The following ATRNL1 variants were observed in gnomAD, a reference collection of about 807,000 sequenced individuals.
ATRNL1 encodes attractin-like protein 1.
ATRNL1 carries 95 observed loss-of-function variants against 182.7 expected under a neutral mutation model. That is an observed-to-expected ratio of 0.52 (90% CI 0.44 to 0.62). The LOEUF (loss-of-function observed/expected upper bound fraction) is 0.62. Among genes scored for constraint, ATRNL1 ranks in the 20% least tolerant of loss-of-function variants. ATRNL1 has a pLI of 0.00. For missense variants in ATRNL1, 1,471 were observed against 1,679.5 expected (o/e 0.88, Z 2.17); for synonymous variants, 576 against 568.3 (o/e 1.01, Z -0.19).
Position 115,341,423 on chromosome 10 carries a change from T to G in ATRNL1, c.3175+7004T>G, listed in dbSNP as rs192136134. Reference sequence around the variant, plus strand: ...ATGTTTTACAACTTGCTTTGTGACCTAACATATGGTCTATACTTGAGAGTG... The same window carrying G: ...ATGTTTTACAACTTGCTTTGTGACCGAACATATGGTCTATACTTGAGAGTG... On this transcript the variant is annotated intron_variant, in intron 19 of 28. Coordinates refer to ENST00000355044, the MANE Select transcript of ATRNL1 (RefSeq NM_207303.4). Among the ~76,000 whole-genome samples, 166 of 152,330 alleles carry G rather than the reference T, an allele frequency of 1.1e-3. 1 individual carries two copies. The highest frequency in any genetic ancestry group is 2.1e-3 in the Admixed American group (32 of 15,296).
chr10:115,099,859 C>T (rs782090961), intron 1 of ATRNL1, among the ~76,000 whole-genome samples: 1 of 152,152 alleles, frequency 6.6e-6, no homozygotes, highest in Non-Finnish European at 1.5e-5. Context: ...ATATTTTCTA[C>T]CAGTCTGCGG....
chr10:115,848,046 A>G, intron 28 of ATRNL1, 55 bp downstream of exon 28: 1 of 946,802 alleles, frequency 1.1e-6, no homozygotes, highest in East Asian at 2.4e-5. Context: ...ACTGAACAGA[A>G]GAAATAAACA....
rs536848595 is a variant in ATRNL1 at position 115,156,041 on chromosome 10, T to C, written c.830-3999T>C. On this transcript the variant is annotated intron_variant, in intron 5 of 28. Transcript: ENST00000355044. ...ACTAGAGTAAGATCTTGATGTGCCG[T>C]GTTGTGCCAGGCATTACCCCTCTAG... Among the ~76,000 whole-genome samples, 5 of 152,098 alleles carry C rather than the reference T, an allele frequency of 3.3e-5. No homozygotes were observed. In the South Asian group the frequency reaches 1.0e-3, roughly 32 times the overall value.
At chr10:115,818,990 A>G (rs961750759) in intron 27 of ATRNL1, among the ~76,000 whole-genome samples, 3 of 152,060 alleles carry the variant, frequency 2.0e-5, no homozygotes, top group Admixed American at 1.3e-4. Context: ...ATTGTGTTCA[A>G]TCCAGATTTT....
At chr10:115,839,332 G>T (rs1362078583) in intron 27 of ATRNL1, among the ~76,000 whole-genome samples, 1 of 152,044 alleles carries the variant, frequency 6.6e-6, no homozygotes, top group Non-Finnish European at 1.5e-5. Context: ...GTTTCCATCC[G>T]AGCATCTCAG....
At chr10:115,563,836 G>A (rs1555000594) in intron 26 of ATRNL1, among the ~76,000 whole-genome samples, 1 of 152,066 alleles carries the variant, frequency 6.6e-6, no homozygotes, top group Non-Finnish European at 1.5e-5. Flanking sequence ...CAGATATTGT[G>A]CATACTCCAT....
At chr10:115,357,292 A>G (rs945645803) in intron 19 of ATRNL1, among the ~76,000 whole-genome samples, 4 of 151,952 alleles carry the variant, frequency 2.6e-5, no homozygotes, top group African/African-American at 9.7e-5. Context: ...AGTTCAGAAG[A>G]TTATAGGTTA....
At chr10:115,372,839 T>C (rs1261649288) in intron 19 of ATRNL1, among the ~76,000 whole-genome samples, 1 of 152,190 alleles carries the variant, frequency 6.6e-6, no homozygotes, top group Non-Finnish European at 1.5e-5. Context: ...TGCTCATTAT[T>C]GCTATGGCTA....
At chr10:115,628,513 C>A (rs1430784383) in intron 26 of ATRNL1, among the ~76,000 whole-genome samples, 1 of 150,108 alleles carries the variant, frequency 6.7e-6, no homozygotes, top group Non-Finnish European at 1.5e-5. Context: ...GTATTTTCTC[C>A]CGTTCTATAG....
intron 22 of ATRNL1, among the ~76,000 whole-genome samples, chr10:115,466,004 G>T (rs1848035422): frequency 6.6e-6 from 1 of 151,446 alleles, no homozygotes; most frequent in Non-Finnish European, 1.5e-5. Context: ...GGAGGTATAA[G>T]ATTGGGGCTT....
At chr10:115,902,620 G>A (rs1344577895) in intron 28 of ATRNL1, among the ~76,000 whole-genome samples, 1 of 152,140 alleles carries the variant, frequency 6.6e-6, no homozygotes, top group African/African-American at 2.4e-5. Flanking sequence ...GATGAGAGAA[G>A]CTACACAAAA....
At chr10:115,630,869 CACACAT>C (rs782520360) in intron 26 of ATRNL1, among the ~76,000 whole-genome samples, 2,440 of 132,544 alleles carry the variant, frequency 0.018, 41 homozygotes, top group East Asian at 0.11. Flanking sequence ...CACACACACA[CACACAT>C]TGGAATTTTT....
intron 18 of ATRNL1, among the ~76,000 whole-genome samples, chr10:115,327,756 TA>T (rs1554933841): frequency 1.3e-5 from 2 of 151,806 alleles, no homozygotes; most frequent in South Asian, 2.1e-4. Flanking sequence ...TATGCAGCCA[TA>T]AAAAATGATG....
chr10:115,578,592 G>A (rs1854871112), intron 26 of ATRNL1, among the ~76,000 whole-genome samples: 1 of 151,184 alleles, frequency 6.6e-6, no homozygotes, highest in Admixed American at 6.6e-5. Context: ...CCCTTATAAT[G>A]TTTCCTCTTT....
At chr10:115,100,166 C>T (rs1291532846) in intron 1 of ATRNL1, among the ~76,000 whole-genome samples, 2 of 152,020 alleles carry the variant, frequency 1.3e-5, no homozygotes, top group Non-Finnish European at 2.9e-5. Context: ...TGGCGGTGTG[C>T]GCATTTAGCC....
At chr10:115,536,966 C>A (rs1158523179) in intron 25 of ATRNL1, among the ~76,000 whole-genome samples, 5 of 97,480 alleles carry the variant, frequency 5.1e-5, no homozygotes, top group Non-Finnish European at 1.5e-4. Context: ...ACAAAAAAGT[C>A]TCTGTTTAAA....
At position 115,153,017 on chromosome 10, in the gene ATRNL1, G is replaced by A. The variant is rs1460158433; in HGVS notation, c.830-7023G>A. Among the ~76,000 whole-genome samples, 5 of 152,076 alleles carry A rather than the reference G, an allele frequency of 3.3e-5. No homozygotes were observed. In the East Asian group the frequency reaches 7.7e-4, roughly 24 times the overall value. On this transcript the variant is annotated intron_variant, in intron 5 of 28. Coordinates refer to ENST00000355044, the MANE Select transcript of ATRNL1 (RefSeq NM_207303.4). ...TGGTTCTGTTTATATGCTGGATTAC[G>A]CTTATTGATTTGCATATGTTGAACT...
chr10:115,718,471 C>CA (rs1947322954), intron 26 of ATRNL1, among the ~76,000 whole-genome samples: 1 of 152,046 alleles, frequency 6.6e-6, no homozygotes. Flanking sequence ...TTAATGTCAA[C>CA]AAGTACAAAA....
intron 9 of ATRNL1, among the ~76,000 whole-genome samples, chr10:115,234,707 T>G (rs1322778718): frequency 6.6e-6 from 1 of 151,616 alleles, no homozygotes; most frequent in Admixed American, 6.6e-5. Context: ...CCTCTCACTT[T>G]AGACTCCCGA....
Sources: allele counts gnomAD v4.1 joint callset (sites outside exome capture counted in the v4.1 genomes callset), GRCh38; gene constraint gnomAD v4.1.1; transcripts MANE v1.5; gene names NCBI Gene and HGNC (gene_info 2026-07-23, HGNC 2026-07-21).